Variants in C7orf78 observed in about 807,000 individuals in gnomAD.
C7orf78 encodes the protein chromosome 7 open reading frame 78.
the C7orf78 span, among the ~76,000 whole-genome samples, chr7:12,540,684 G>GTA: frequency 6.6e-6 from 1 of 152,180 alleles, no homozygotes; most frequent in African/African-American, 2.4e-5. Context: ...GGCCAACAGA[G>GTA]TATAGTTCTA....
chr7:12,491,488 C>T, the C7orf78 span: 1 of 152,096 alleles, frequency 6.6e-6, no homozygotes, highest in African/African-American at 2.4e-5. Context: ...AAAGTTAATA[C>T]CTTGGCTGCT....
chr7:12,529,118 G>GT, the C7orf78 span: 2 of 397,482 alleles, frequency 5.0e-6, no homozygotes, highest in East Asian at 7.1e-5. Flanking sequence ...TAGTGCAGGA[G>GT]TTTTTTATTT....
At chr7:12,506,995 T>C in the C7orf78 span, 2 of 460,896 alleles carry the variant, frequency 4.3e-6, no homozygotes, top group Non-Finnish European at 8.7e-6. Flanking sequence ...AAACCAAAGA[T>C]TAAGGGCCAA....
At chr7:12,491,171 G>C in the C7orf78 span, 5 of 152,198 alleles carry the variant, frequency 3.3e-5, no homozygotes, top group East Asian at 9.6e-4. Context: ...ACAGTAAATG[G>C]ATTTCTTATC....
chr7:12,538,778 C>T, the C7orf78 span, among the ~76,000 whole-genome samples: 1 of 152,126 alleles, frequency 6.6e-6, no homozygotes, highest in African/African-American at 2.4e-5. Flanking sequence ...AGAAGACCCC[C>T]GTTTTCCTTT....
chr7:12,538,832 G>T, the C7orf78 span, among the ~76,000 whole-genome samples: 1 of 152,124 alleles, frequency 6.6e-6, no homozygotes, highest in Non-Finnish European at 1.5e-5. Context: ...TACATTTCTA[G>T]ATAAGAAGTA....
the C7orf78 span, among the ~76,000 whole-genome samples, chr7:12,513,520 T>C: frequency 2.0e-5 from 3 of 152,192 alleles, no homozygotes; most frequent in Non-Finnish European, 4.4e-5. Flanking sequence ...TGTTGTTCAG[T>C]AGAATTTTGT....
chr7:12,520,364 G>A, the C7orf78 span, among the ~76,000 whole-genome samples: 74,012 of 152,060 alleles, frequency 0.49, 18,250 homozygotes, highest in Admixed American at 0.56. Context: ...TTATTGATGC[G>A]GATATTTATT....
chr7:12,502,565 T>A, the C7orf78 span, among the ~76,000 whole-genome samples: 1 of 149,754 alleles, frequency 6.7e-6, no homozygotes, highest in Non-Finnish European at 1.5e-5. Context: ...ATGGCAATCA[T>A]TAAAAAGTCA....
chr7:12,513,907 G>A, the C7orf78 span, among the ~76,000 whole-genome samples: 1 of 152,154 alleles, frequency 6.6e-6, no homozygotes, highest in Admixed American at 6.5e-5. Flanking sequence ...GGCTGAAGCA[G>A]GAGAATGGTG....
At chr7:12,511,876 C>T in the C7orf78 span, among the ~76,000 whole-genome samples, 496 of 150,292 alleles carry the variant, frequency 3.3e-3, 3 homozygotes, top group African/African-American at 1.0e-2. Context: ...CTCAGCCTCC[C>T]GAGTAGCTGG....
At chr7:12,488,093 A>G in the C7orf78 span, among the ~76,000 whole-genome samples, 78 of 152,202 alleles carry the variant, frequency 5.1e-4, 1 homozygote, top group Admixed American at 2.2e-3. Flanking sequence ...ATACATATTG[A>G]TTGGAAGGTG....
chr7:12,525,332 A>C, the C7orf78 span, among the ~76,000 whole-genome samples: 1 of 152,164 alleles, frequency 6.6e-6, no homozygotes, highest in Non-Finnish European at 1.5e-5. Flanking sequence ...GCTTATAAAA[A>C]AACAGTAACT....
the C7orf78 span, among the ~76,000 whole-genome samples, chr7:12,525,327 TA>T: frequency 6.6e-6 from 1 of 152,060 alleles, no homozygotes; most frequent in African/African-American, 2.4e-5. Context: ...TAGTAGCTTA[TA>T]AAAAAACAGT....
chr7:12,493,099 G>A, the C7orf78 span, among the ~76,000 whole-genome samples: 6 of 152,082 alleles, frequency 3.9e-5, no homozygotes, highest in Admixed American at 3.3e-4. Context: ...GCTACTTGGG[G>A]ACTGAGGTGA....
the C7orf78 span, among the ~76,000 whole-genome samples, chr7:12,533,171 C>A: frequency 6.6e-6 from 1 of 152,122 alleles, no homozygotes. Flanking sequence ...GGTAGTCCAT[C>A]AGCAAAAGTT....
At chr7:12,487,674 G>A in the C7orf78 span, among the ~76,000 whole-genome samples, 2 of 152,026 alleles carry the variant, frequency 1.3e-5, no homozygotes, top group Non-Finnish European at 2.9e-5. Flanking sequence ...AGTCTTTAAA[G>A]CCAATTCTCT....
chr7:12,525,178 AC>A, the C7orf78 span, among the ~76,000 whole-genome samples: 1 of 152,014 alleles, frequency 6.6e-6, no homozygotes, highest in African/African-American at 2.4e-5. Context: ...TCTGCTTGGT[AC>A]CCTCACTGTT....
the C7orf78 span, among the ~76,000 whole-genome samples, chr7:12,513,205 C>T: frequency 2.7e-5 from 4 of 148,140 alleles, no homozygotes; most frequent in Non-Finnish European, 1.5e-5. Flanking sequence ...CTTTCTTTTT[C>T]TTTCTTTCTT....
Sources: gnomAD v4.1 joint callset for allele counts (sites outside exome capture counted in the v4.1 genomes callset) on GRCh38, gnomAD v4.1.1 for gene constraint, MANE v1.5 for transcripts, NCBI Gene and HGNC (gene_info 2026-07-23, HGNC 2026-07-21) for gene names.